Variants in CNTNAP2 observed in about 807,000 individuals in gnomAD.
The protein encoded by CNTNAP2 is contactin associated protein 2.
A neutral mutation model predicts 155.2 loss-of-function variants in CNTNAP2; 98 were observed. The observed-to-expected ratio is 0.63, with a 90% CI of 0.54 to 0.75. The LOEUF (loss-of-function observed/expected upper bound fraction) is 0.75. Ranked by LOEUF, CNTNAP2 falls within the 30% of genes least tolerant of loss-of-function variation. The pLI, the probability that CNTNAP2 is intolerant of heterozygous loss-of-function variation, is 0.00. For synonymous variants in CNTNAP2, 651 were observed against 631.2 expected (o/e 1.03, Z -0.47); for missense variants, 1,727 against 1,688.1 (o/e 1.02, Z -0.40).
chr7:147,673,811 CA>C (rs1244931057), intron 13 of CNTNAP2, among the ~76,000 whole-genome samples: 5 of 152,122 alleles, frequency 3.3e-5, no homozygotes, highest in Admixed American at 2.0e-4. Context: ...ATTGAAAAAT[CA>C]GAGAAAGTTT....
chr7:146,503,707 T>G (rs1344280445), intron 1 of CNTNAP2, among the ~76,000 whole-genome samples: 1 of 152,216 alleles, frequency 6.6e-6, no homozygotes, highest in Non-Finnish European at 1.5e-5. Flanking sequence ...TTACCTAATG[T>G]GTGTTCTTGG....
chr7:146,605,217 A>G (rs763203643), intron 1 of CNTNAP2, among the ~76,000 whole-genome samples: 1 of 151,054 alleles, frequency 6.6e-6, no homozygotes, highest in Admixed American at 6.6e-5. Context: ...TCTTTATTGT[A>G]TTCATTTCAC....
Position 146,451,016 on chromosome 7 carries a change from G to T in CNTNAP2, c.98-323255G>T, listed in dbSNP as rs528364339. Reference sequence around the variant, plus strand: ...GGCTGGAGTGCAGTGGCGTGGTCTTGGCTCACTGCAAGCTCTGACCCCCGG... The same window carrying T: ...GGCTGGAGTGCAGTGGCGTGGTCTTTGCTCACTGCAAGCTCTGACCCCCGG... On this transcript the variant is annotated intron_variant, in intron 1 of 23. Coordinates refer to ENST00000361727, the MANE Select transcript of CNTNAP2 (RefSeq NM_014141.6). Among the ~76,000 whole-genome samples the T allele has an allele frequency of 1.4e-4, 21 of 152,024 alleles. No individual in the cohort carries two copies. The South Asian group carries it at 4.4e-3, about 32-fold the overall frequency.
chr7:147,582,200 ACTGGCAC>A (rs202224815), intron 12 of CNTNAP2, among the ~76,000 whole-genome samples: 4,387 of 152,216 alleles, frequency 0.029, 144 homozygotes, highest in Non-Finnish European at 0.037. Flanking sequence ...ACTGGTTTAC[ACTGGCAC>A]TTGTAGATTG....
intron 13 of CNTNAP2, among the ~76,000 whole-genome samples, chr7:147,659,811 G>A (rs776213822): frequency 2.5e-4 from 38 of 152,258 alleles, no homozygotes; most frequent in Non-Finnish European, 3.2e-4. Context: ...AACATCACTC[G>A]ATGCTGTATT....
At chr7:148,161,634 G>A (rs1028860985) in intron 17 of CNTNAP2, among the ~76,000 whole-genome samples, 1 of 151,838 alleles carries the variant, frequency 6.6e-6, no homozygotes, top group Non-Finnish European at 1.5e-5. Context: ...TAAACCAGTG[G>A]TGTATCTATA....
intron 22 of CNTNAP2, chr7:148,389,934 G>A (rs1031880312): frequency 2.0e-5 from 3 of 152,032 alleles, no homozygotes; most frequent in African/African-American, 4.8e-5. Context: ...TCAGACCCTC[G>A]GGGGGATAGG....
At position 147,121,020 on chromosome 7, in the gene CNTNAP2, A is replaced by T. The variant is rs1042657310; in HGVS notation, c.796A>T (p.Met266Leu). ...LGPIYGHTSV[M>L]TGSLLDDHHW... ...CCCCATATATGGCCACACATCAGTG[A>T]TGACAGGAAGTTTGCTGGATGACCA... The change falls in exon 6 of 24, where the codon ATG becomes TTG. Residue 266 changes from methionine to leucine, a missense_variant. Transcript: ENST00000361727. 1.2e-6 allele frequency: 2 copies of T among 1,614,014 alleles called. No homozygotes were observed. Among genetic ancestry groups the T allele is most frequent in the African/African-American group, 1.3e-5 (1 of 75,060 alleles).
At chr7:146,788,078 G>A (rs572564124) in intron 2 of CNTNAP2, among the ~76,000 whole-genome samples, 9 of 152,314 alleles carry the variant, frequency 5.9e-5, no homozygotes, top group Non-Finnish European at 1.3e-4. Context: ...CAATGGCACT[G>A]GCCACGGGAC....
At chr7:146,556,595 C>T (rs1299610419) in intron 1 of CNTNAP2, among the ~76,000 whole-genome samples, 1 of 152,068 alleles carries the variant, frequency 6.6e-6, no homozygotes, top group African/African-American at 2.4e-5. Flanking sequence ...GACAGAAATA[C>T]TAGGACAGTT....
chr7:146,190,274 G>C (rs1315282605), intron 1 of CNTNAP2, among the ~76,000 whole-genome samples: 1 of 152,086 alleles, frequency 6.6e-6, no homozygotes, highest in African/African-American at 2.4e-5. Flanking sequence ...ACCTGCAGTG[G>C]TGCTCTTTCC....
intron 21 of CNTNAP2, among the ~76,000 whole-genome samples, chr7:148,340,828 AAG>A: frequency 6.6e-6 from 1 of 152,334 alleles, no homozygotes. Flanking sequence ...GAGAGAGACT[AAG>A]AGAGAACAGA....
chr7:148,060,752 A>C (rs1201031025), intron 15 of CNTNAP2, among the ~76,000 whole-genome samples: 4 of 152,206 alleles, frequency 2.6e-5, no homozygotes, highest in African/African-American at 9.6e-5. Flanking sequence ...TATGCTAACT[A>C]TGCCTTTTTG....
chr7:147,285,831 A>T (rs890037015), intron 8 of CNTNAP2, among the ~76,000 whole-genome samples: 1 of 152,028 alleles, frequency 6.6e-6, no homozygotes, highest in Non-Finnish European at 1.5e-5. Context: ...TACAATTAGG[A>T]TATGGAAAAC....
At chr7:147,440,208 T>G (rs963483338) in intron 10 of CNTNAP2, among the ~76,000 whole-genome samples, 1 of 152,068 alleles carries the variant, frequency 6.6e-6, no homozygotes, top group Non-Finnish European at 1.5e-5. Flanking sequence ...TAGTTTCTTG[T>G]TTTTTATTTT....
At position 147,744,954 on chromosome 7, in the gene CNTNAP2, C is replaced by T. The variant is rs555726219; in HGVS notation, c.2098+105648C>T. ...TAATCCTGTTCATAACACTATCTAA[C>T]CAAAGAACCAGAAAAATAGAAGATC... is the stretch of plus-strand genomic sequence containing the variant. On this transcript the variant is annotated intron_variant, in intron 13 of 23. Coordinates refer to ENST00000361727, the MANE Select transcript of CNTNAP2 (RefSeq NM_014141.6). Among the ~76,000 whole-genome samples, 6 of 152,134 alleles carry T rather than the reference C, an allele frequency of 3.9e-5. No individual in the cohort carries two copies. The South Asian group carries it at 1.2e-3, about 32-fold the overall frequency.
chr7:146,353,054 A>G (rs1172043349), intron 1 of CNTNAP2, among the ~76,000 whole-genome samples: 1 of 152,086 alleles, frequency 6.6e-6, no homozygotes, highest in African/African-American at 2.4e-5. Context: ...GCGCCCGGCC[A>G]GGGGATGTCT....
intron 1 of CNTNAP2, among the ~76,000 whole-genome samples, chr7:146,389,793 C>T (rs749093526): frequency 4.6e-5 from 7 of 151,018 alleles, no homozygotes; most frequent in African/African-American, 1.7e-4. Context: ...CTCTGCCTTC[C>T]GGGTTCTAGC....
chr7:148,322,073 A>G (rs1272407444), intron 21 of CNTNAP2, among the ~76,000 whole-genome samples: 1 of 147,994 alleles, frequency 6.8e-6, no homozygotes, highest in Non-Finnish European at 1.5e-5. Flanking sequence ...GGCGCACACC[A>G]CTGCGTCTGG....
Sources: allele counts gnomAD v4.1 joint callset (sites outside exome capture counted in the v4.1 genomes callset), GRCh38; gene constraint gnomAD v4.1.1; transcripts MANE v1.5; gene names NCBI Gene and HGNC (gene_info 2026-07-23, HGNC 2026-07-21).